CDC42BPA: variants seen among roughly 807,000 people sequenced by gnomAD.
The protein encoded by CDC42BPA is serine/threonine-protein kinase MRCK alpha.
In CDC42BPA, 80 loss-of-function variants were observed where a neutral mutation model predicts 223.5. The ratio of observed to expected loss-of-function variants is 0.36; its 90% confidence interval spans 0.30 to 0.43. The LOEUF is 0.43. CDC42BPA is among the 20% of genes least tolerant of loss of function. CDC42BPA has a pLI of 1.00. For synonymous variants in CDC42BPA, 694 were observed against 718.6 expected (o/e 0.97, Z 0.55); for missense variants, 1,743 against 2,099.9 (o/e 0.83, Z 3.32).
At chr1:227,155,355 C>G (rs1357967929) in intron 6 of CDC42BPA, among the ~76,000 whole-genome samples, 1 of 152,116 alleles carries the variant, frequency 6.6e-6, no homozygotes. Flanking sequence ...GACAAACTAT[C>G]AATACAATAT....
chr1:227,002,722 T>C (rs977676798), intron 35 of CDC42BPA, among the ~76,000 whole-genome samples: 3 of 152,150 alleles, frequency 2.0e-5, no homozygotes, highest in South Asian at 2.1e-4. Context: ...GAGGCCCACA[T>C]TGGCAAAAAC....
At chr1:227,202,658 A>T (rs867305158) in intron 3 of CDC42BPA, among the ~76,000 whole-genome samples, 1 of 151,744 alleles carries the variant, frequency 6.6e-6, no homozygotes, top group Admixed American at 6.6e-5. Context: ...GTAGTGGCTC[A>T]TATCTGCAGT....
At chr1:227,293,664 A>G (rs1690099846) in intron 1 of CDC42BPA, among the ~76,000 whole-genome samples, 1 of 152,128 alleles carries the variant, frequency 6.6e-6, no homozygotes, top group Non-Finnish European at 1.5e-5. Context: ...CATCTCTACT[A>G]AAAATACAAA....
intron 1 of CDC42BPA, among the ~76,000 whole-genome samples, chr1:227,291,592 T>G (rs11800390): frequency 1.3e-5 from 2 of 151,706 alleles, no homozygotes; most frequent in African/African-American, 4.8e-5. Flanking sequence ...CCCAAATCTA[T>G]ACTACAACAA....
intron 4 of CDC42BPA, among the ~76,000 whole-genome samples, chr1:227,195,189 C>A (rs921467605): frequency 6.6e-6 from 1 of 151,960 alleles, no homozygotes; most frequent in African/African-American, 2.4e-5. Context: ...CTAGGCCCAA[C>A]GTTTTTGTTT....
chr1:227,293,520 TAA>T (rs34855867), intron 1 of CDC42BPA, among the ~76,000 whole-genome samples: 93 of 143,370 alleles, frequency 6.5e-4, no homozygotes, highest in Middle Eastern at 3.6e-3. Flanking sequence ...GTAAAGTCAT[TAA>T]AAAAAAAAAA....
intron 17 of CDC42BPA, among the ~76,000 whole-genome samples, chr1:227,079,359 T>C (rs1680169247): frequency 6.6e-6 from 1 of 152,110 alleles, no homozygotes; most frequent in Admixed American, 6.6e-5. Flanking sequence ...CATTGAAAGC[T>C]TCCTTCCATT....
At chr1:227,203,614 T>C (rs1672176413) in intron 3 of CDC42BPA, among the ~76,000 whole-genome samples, 1 of 152,172 alleles carries the variant, frequency 6.6e-6, no homozygotes, top group Non-Finnish European at 1.5e-5. Flanking sequence ...ATTTGATATC[T>C]AAGAATGTAT....
chr1:227,014,825 G>A (rs1351465226), intron 34 of CDC42BPA, among the ~76,000 whole-genome samples: 1 of 152,162 alleles, frequency 6.6e-6, no homozygotes, highest in East Asian at 1.9e-4. Flanking sequence ...CATTTTTAAA[G>A]TTTTAATAGT....
At chr1:227,149,214 G>C (rs994954272) in intron 6 of CDC42BPA, among the ~76,000 whole-genome samples, 6 of 152,174 alleles carry the variant, frequency 3.9e-5, no homozygotes, top group African/African-American at 1.2e-4. Flanking sequence ...TGTTCCTGTA[G>C]AAATTCGTAA....
chr1:227,006,992 C>CAACAACAACAA (rs56179472), intron 34 of CDC42BPA, among the ~76,000 whole-genome samples: 1 of 148,482 alleles, frequency 6.7e-6, no homozygotes, highest in East Asian at 2.0e-4. Flanking sequence ...ACAACAACAA[C>CAACAACAACAA]CCCCCAGCAA....
At chr1:227,143,148 C>T (rs1362151067) in intron 8 of CDC42BPA, 124 bp from the exon 9 acceptor site, 4 of 514,582 alleles carry the variant, frequency 7.8e-6, no homozygotes, top group Non-Finnish European at 1.3e-5. Flanking sequence ...TTTTAAAACA[C>T]TGGTAAGTTT....
At chr1:227,148,690 C>A (rs1661123394) in intron 6 of CDC42BPA, among the ~76,000 whole-genome samples, 2 of 139,174 alleles carry the variant, frequency 1.4e-5, no homozygotes, top group South Asian at 4.8e-4. Context: ...TGGTGTGAAC[C>A]CGGGAGGCGG....
rs1559031708 is a variant in CDC42BPA at position 227,317,384 on chromosome 1, C to T, written c.-202G>A. 6 of 479,490 alleles carry T rather than the reference C, an allele frequency of 1.3e-5. No homozygotes were observed. Among genetic ancestry groups the T allele is most frequent in the Non-Finnish European group, 1.8e-5 (5 of 278,708 alleles). 29.7% of individuals were successfully genotyped at this position (479,490 alleles called of 1,614,324 possible). Reference sequence around the variant, plus strand: ...AAGCGTCTTCAATTTCACCCATATACATATATTTTGAGGGTAAATTACCAT... The same window carrying T: ...AAGCGTCTTCAATTTCACCCATATATATATATTTTGAGGGTAAATTACCAT... On this transcript the variant is annotated 5_prime_UTR_variant, in exon 1 of 37. It removes an upstream start codon present in the reference 5' UTR. Coordinates refer to ENST00000366766, the MANE Select transcript of CDC42BPA (RefSeq NM_001394014.1).
At chr1:227,094,817 C>T (rs774812893) in intron 15 of CDC42BPA, among the ~76,000 whole-genome samples, 2 of 152,088 alleles carry the variant, frequency 1.3e-5, no homozygotes, top group African/African-American at 2.4e-5. Flanking sequence ...TCAATTAGCT[C>T]GAGATATTTG....
intron 11 of CDC42BPA, among the ~76,000 whole-genome samples, chr1:227,128,210 G>A (rs957530713): frequency 3.3e-5 from 5 of 151,990 alleles, no homozygotes; most frequent in Non-Finnish European, 2.9e-5. Context: ...TTTTTGCACC[G>A]GCTAGTCCTT....
At chr1:227,184,010 T>C (rs1165536244) in intron 5 of CDC42BPA, among the ~76,000 whole-genome samples, 1 of 152,158 alleles carries the variant, frequency 6.6e-6, no homozygotes, top group Non-Finnish European at 1.5e-5. Flanking sequence ...TTGGGTGAAA[T>C]GTCTATTGTC....
intron 6 of CDC42BPA, among the ~76,000 whole-genome samples, chr1:227,156,415 A>G (rs1662791902): frequency 6.8e-6 from 1 of 146,294 alleles, no homozygotes; most frequent in South Asian, 2.2e-4. Context: ...TTGGCCTCCC[A>G]AAGTCTCAAA....
chr1:227,020,925 C>T (rs1667245802), intron 32 of CDC42BPA, among the ~76,000 whole-genome samples: 1 of 152,070 alleles, frequency 6.6e-6, no homozygotes, highest in Admixed American at 6.6e-5. Flanking sequence ...TATTGCAGGG[C>T]TATTAATTGG....
Sources: gnomAD v4.1 joint callset for allele counts (sites outside exome capture counted in the v4.1 genomes callset) on GRCh38, gnomAD v4.1.1 for gene constraint, MANE v1.5 for transcripts, NCBI Gene and HGNC (gene_info 2026-07-23, HGNC 2026-07-21) for gene names.